The following FBXO48 variants were observed in gnomAD, a reference collection of about 807,000 sequenced individuals.
The protein encoded by FBXO48 is F-box only protein 48.
A neutral mutation model predicts 14.3 loss-of-function variants in FBXO48; 12 were observed. The ratio of observed to expected loss-of-function variants is 0.84; its 90% confidence interval spans 0.54 to 1.36. The LOEUF is 1.36. Ranked by LOEUF, FBXO48 falls within the 40% of genes most tolerant of loss-of-function variation. The probability of loss-of-function intolerance (pLI) is 0.00; values close to 1 mark genes in which losing one functional copy is unlikely to be tolerated. For synonymous variants in FBXO48, 53 were observed against 61.7 expected (o/e 0.86, Z 0.66); for missense variants, 177 against 179.1 (o/e 0.99, Z 0.07).
rs1227521900 is a variant in FBXO48, at chr2:68,459,532, C to T, written c.*4677G>A. On this transcript the variant is annotated 3_prime_UTR_variant, in exon 4 of 4. Transcript: ENST00000377957. ...GAGAAGACTGGAACAATTATTCATA[C>T]ATTTGTATTACTATCAAGCATCCCA... 2 of 152,140 alleles carry T rather than the reference C, an allele frequency of 1.3e-5. No individual in the cohort carries two copies. Among genetic ancestry groups the T allele is most frequent in the African/African-American group, 2.4e-5 (1 of 41,428 alleles). 9.4% of individuals were successfully genotyped at this position (152,140 alleles called of 1,614,324 possible).
Position 68,464,314 on chromosome 2 carries a change from G to A in FBXO48, c.363C>T (p.Gly121=), listed in dbSNP as rs1338582482. The A allele has an allele frequency of 1.9e-6, 3 of 1,613,630 alleles. No individual in the cohort carries two copies. The South Asian group carries it at 3.3e-5, about 18-fold the overall frequency. Residue 121 remains glycine (G), a synonymous_variant, in exon 4 of 4, where the codon GGC becomes GGT. Transcript: ENST00000377957. ...KSKVKHEWLS[G]RYSNICSPIS... ...TGGGAGAACAAATGTTGCTGTATCT[G>A]CCACTTAGCCATTCGTGTTTCACTT...
rs1219657949 is a variant in FBXO48 at position 68,461,136 on chromosome 2, T to G, written c.*3073A>C. 1.3e-5 allele frequency: 2 copies of G among 152,116 alleles called. No individual in the cohort carries two copies. Among genetic ancestry groups the G allele is most frequent in the Non-Finnish European group, 2.9e-5 (2 of 68,030 alleles). The allele number at this position is 152,116 out of a possible 1,614,324, so 9.4% of individuals were successfully genotyped here. A position where few individuals can be genotyped will look rare whatever the true frequency, so the allele number is the denominator to read the frequency against. ...AAACCACATCAGGTGGGGGTCCCAGTATGATGGTGAAACTCAATTTGAATT... is the reference window on the plus strand; with the variant it reads ...AAACCACATCAGGTGGGGGTCCCAGGATGATGGTGAAACTCAATTTGAATT... On this transcript the variant is annotated 3_prime_UTR_variant, in exon 4 of 4. Coordinates refer to ENST00000377957, the MANE Select transcript of FBXO48 (RefSeq NM_001024680.3).
At position 68,461,436 on chromosome 2, in the gene FBXO48, A is replaced by G. The variant is rs902025334; in HGVS notation, c.*2773T>C. 4 of 149,940 alleles carry G rather than the reference A, an allele frequency of 2.7e-5. No individual in the cohort carries two copies. In the South Asian group the frequency reaches 8.4e-4, roughly 32 times the overall value. The allele number at this position is 149,940 out of a possible 1,614,324, so 9.3% of individuals were successfully genotyped here. A position where few individuals can be genotyped will look rare whatever the true frequency, so the allele number is the denominator to read the frequency against. ...CTCAGCCTCCCGAGTAGCTGGGACT[A>G]CAGGCGCCCGCCACCGCGCCCGGCT... On this transcript the variant is annotated 3_prime_UTR_variant, in exon 4 of 4. Transcript: ENST00000377957.
Position 68,459,728 on chromosome 2 carries a change from T to TA in FBXO48, c.*4480dup, listed in dbSNP as rs1430517575. The stretch of plus-strand genomic sequence containing the variant: ...CAGGTTTTGAAGACACAAAAATAAA[T>TA]AAAAAATGGTCCCTGCCATTAAGAA... On this transcript the variant is annotated 3_prime_UTR_variant, in exon 4 of 4. Coordinates refer to ENST00000377957, the MANE Select transcript of FBXO48 (RefSeq NM_001024680.3). The TA allele has an allele frequency of 6.6e-6, 1 of 151,958 alleles. No homozygotes were observed. Among genetic ancestry groups the TA allele is most frequent in the East Asian group, 1.9e-4 (1 of 5,196 alleles). 9.4% of individuals were successfully genotyped at this position (151,958 alleles called of 1,614,324 possible).
In FBXO48 at chr2:68,464,196, A is replaced by AC; in HGVS notation, c.*12_*13insG. 6.2e-7 allele frequency: 1 copy of AC among 1,609,788 alleles called. No homozygotes were observed. Among genetic ancestry groups the AC allele is most frequent in the Non-Finnish European group, 8.5e-7 (1 of 1,177,206 alleles). The stretch of plus-strand genomic sequence containing the variant: ...AACTTTCAAAGACCTGAGATTTGTG[A>AC]TTTTTTTTCCCCTTATCTTTCCAGT... On this transcript the variant is annotated 3_prime_UTR_variant, in exon 4 of 4. Transcript: ENST00000377957.
chr2:68,464,325 A>T lies in FBXO48; in HGVS notation c.352T>A (p.Trp118Arg). The T allele has an allele frequency of 6.2e-7, 1 of 1,613,810 alleles. No homozygotes were observed. The highest frequency in any genetic ancestry group is 1.1e-5 in the South Asian group (1 of 91,070). ...NYQKSKVKHE[W>R]LSGRYSNICS... Reference sequence around the variant, plus strand: ...ATGTTGCTGTATCTGCCACTTAGCCATTCGTGTTTCACTTTACTCTTCTGG... The same window carrying T: ...ATGTTGCTGTATCTGCCACTTAGCCTTTCGTGTTTCACTTTACTCTTCTGG... Residue 118 changes from tryptophan to arginine, a missense_variant, in exon 4 of 4, where the codon TGG (tryptophan) becomes AGG (arginine). Coordinates refer to ENST00000377957, the MANE Select transcript of FBXO48 (RefSeq NM_001024680.3).
chr2:68,464,246 G>A lies in FBXO48; in HGVS notation c.431C>T (p.Thr144Ile). 6.2e-7 allele frequency: 1 copy of A among 1,613,506 alleles called. No individual in the cohort carries two copies. Among genetic ancestry groups the A allele is most frequent in the Non-Finnish European group, 8.5e-7 (1 of 1,179,800 alleles). Residue 144 changes from threonine (T) to isoleucine (I), a missense_variant, in exon 4 of 4, where the codon ACA (threonine) becomes ATA (isoleucine). Coordinates refer to ENST00000377957, the MANE Select transcript of FBXO48 (RefSeq NM_001024680.3). The part of the protein sequence containing the change: ...EKIMYPMDAD[T>I]WGEILEAELE... ...TTCTGCTTCTAGAATTTCCCCCCAT[G>A]TATCTGCATCCATTGGGTACATGAT... is the stretch of plus-strand genomic sequence containing the variant.
Position 68,461,089 on chromosome 2 carries a change from C to T in FBXO48, c.*3120G>A, listed in dbSNP as rs1277010231. ...ATGTTAATGTAAGCCACAAATAATA[C>T]ATATTTGAAAAATGGGCAACGAAAC... On this transcript the variant is annotated 3_prime_UTR_variant, in exon 4 of 4. Transcript: ENST00000377957. The T allele has an allele frequency of 1.3e-5, 2 of 152,046 alleles. No homozygotes were observed. The highest frequency in any genetic ancestry group is 2.4e-5 in the African/African-American group (1 of 41,392). 9.4% of individuals were successfully genotyped at this position (152,046 alleles called of 1,614,324 possible).
intron 3 of FBXO48, 66 bp from the exon 4 acceptor site, chr2:68,464,436 G>A (rs1248271055): frequency 9.9e-6 from 14 of 1,414,794 alleles, no homozygotes; most frequent in Admixed American, 1.8e-5. Flanking sequence ...TGTGTTTAAA[G>A]CAAGAGAAGC....
intron 3 of FBXO48, 144 bp from the exon 4 acceptor site, chr2:68,464,514 T>G: frequency 2.9e-6 from 2 of 682,960 alleles, no homozygotes; most frequent in Non-Finnish European, 5.0e-6. Context: ...TGTATGTGTC[T>G]GTGTACGTGT....
At position 68,462,194 on chromosome 2, in the gene FBXO48, A is replaced by G. The variant is rs1675281044; in HGVS notation, c.*2015T>C. On this transcript the variant is annotated 3_prime_UTR_variant, in exon 4 of 4. Coordinates refer to ENST00000377957, the MANE Select transcript of FBXO48 (RefSeq NM_001024680.3). ...ATTGTAAGGGGGCTGGACAAAAATA[A>G]TAAACATCCATTACAAAAAAACAGC... 2 of 152,184 alleles carry G rather than the reference A, an allele frequency of 1.3e-5. No individual in the cohort carries two copies. Among genetic ancestry groups the G allele is most frequent in the Admixed American group, 1.3e-4 (2 of 15,264 alleles). 9.4% of individuals were successfully genotyped at this position (152,184 alleles called of 1,614,324 possible).
chr2:68,465,004 T>A lies in FBXO48; in HGVS notation c.142A>T (p.Ser48Cys). The change falls in exon 3 of 4, where the codon AGT (serine) becomes TGT (cysteine). Residue 48 changes from serine to cysteine, a missense_variant. Coordinates refer to ENST00000377957, the MANE Select transcript of FBXO48 (RefSeq NM_001024680.3). Reference sequence around the variant, plus strand: ...CACAGACTCCGAATGTCCAGCTGACTGAAAATTTTAAAAGTGATTTCTGCA... The same window carrying A: ...CACAGACTCCGAATGTCCAGCTGACAGAAAATTTTAAAAGTGATTTCTGCA... ...LPAEITFKIF[S>C]QLDIRSLCRA... 6.2e-7 allele frequency: 1 copy of A among 1,614,000 alleles called. No individual in the cohort carries two copies.
chr2:68,466,289 T>C lies in FBXO48; in HGVS notation c.-179A>G, dbSNP rs1276029591. On this transcript the variant is annotated 5_prime_UTR_variant, in exon 2 of 4. Transcript: ENST00000377957. Reference sequence around the variant, plus strand: ...TTTGCACTTCCTTTTATAACGGGGGTTGGTTGTGCAAGAGGAGAGGTTTGA... The same window carrying C: ...TTTGCACTTCCTTTTATAACGGGGGCTGGTTGTGCAAGAGGAGAGGTTTGA... The C allele has an allele frequency of 6.6e-6, 1 of 152,050 alleles. No homozygotes were observed. The highest frequency in any genetic ancestry group is 2.4e-5 in the African/African-American group (1 of 41,384). 9.4% of individuals were successfully genotyped at this position (152,050 alleles called of 1,614,324 possible).
rs1259821838 is a variant in FBXO48, at chr2:68,461,383, G to A, written c.*2826C>T. ...GCAATCTCGGCTCACTGCAAGCTCC[G>A]CCTCCCGGGTTCACGCCATTCTCCT... On this transcript the variant is annotated 3_prime_UTR_variant, in exon 4 of 4. Transcript: ENST00000377957. 1 of 140,132 alleles carries A rather than the reference G, an allele frequency of 7.1e-6. No individual in the cohort carries two copies. The highest frequency in any genetic ancestry group is 2.8e-5 in the African/African-American group (1 of 35,396). 8.7% of individuals were successfully genotyped at this position (140,132 alleles called of 1,614,324 possible). A position where few individuals can be genotyped will look rare whatever the true frequency, so the allele number is the denominator to read the frequency against.
rs184916341 is a variant in FBXO48 at position 68,462,101 on chromosome 2, T to A, written c.*2108A>T. On this transcript the variant is annotated 3_prime_UTR_variant, in exon 4 of 4. Transcript: ENST00000377957. ...ACCCCGGCCAAAAAAAACCACACAC[T>A]TGGTTGGAAGTGAGAAGGGTGAGTC... 6 of 148,142 alleles carry A rather than the reference T, an allele frequency of 4.1e-5. No homozygotes were observed. The highest frequency in any genetic ancestry group is 1.5e-4 in the African/African-American group (6 of 39,698). The allele number at this position is 148,142 out of a possible 1,614,324, so 9.2% of individuals were successfully genotyped here.
rs201794428 is a variant in FBXO48 at position 68,462,365 on chromosome 2, CT to C, written c.*1843del. 5.3e-5 allele frequency: 8 copies of C among 150,912 alleles called. No homozygotes were observed. The highest frequency in any genetic ancestry group is 1.9e-4 in the East Asian group (1 of 5,156). The allele number at this position is 150,912 out of a possible 1,614,324, so 9.3% of individuals were successfully genotyped here. A position where few individuals can be genotyped will look rare whatever the true frequency, so the allele number is the denominator to read the frequency against. On this transcript the variant is annotated 3_prime_UTR_variant, in exon 4 of 4. Transcript: ENST00000377957. ...ATTAGTAGGATACCTTTCTTTCTTCCTTTTTTTTTGAGACGAAGTTTCACTC... is the reference window on the plus strand; with the variant it reads ...ATTAGTAGGATACCTTTCTTTCTTCCTTTTTTTTGAGACGAAGTTTCACTC...
intron 2 of FBXO48, 30 bp from the exon 3 acceptor site, chr2:68,465,208 C>A: frequency 8.9e-7 from 1 of 1,123,384 alleles, no homozygotes; most frequent in East Asian, 2.4e-5. Flanking sequence ...CATGCTCAGT[C>A]TCCAAATAGG....
intron 1 of FBXO48, among the ~76,000 whole-genome samples, 177 bp downstream of exon 1, chr2:68,467,034 C>T (rs904799116): frequency 4.6e-5 from 7 of 152,280 alleles, no homozygotes; most frequent in Admixed American, 3.9e-4. Flanking sequence ...TTGTGTCCCG[C>T]GCGGGTTGCA....
At position 68,459,846 on chromosome 2, in the gene FBXO48, A is replaced by G. The variant is rs1010274123; in HGVS notation, c.*4363T>C. The G allele has an allele frequency of 6.6e-6, 1 of 152,194 alleles. No homozygotes were observed. The highest frequency in any genetic ancestry group is 2.4e-5 in the African/African-American group (1 of 41,450). The allele number at this position is 152,194 out of a possible 1,614,324, so 9.4% of individuals were successfully genotyped here. On this transcript the variant is annotated 3_prime_UTR_variant, in exon 4 of 4. Coordinates refer to ENST00000377957, the MANE Select transcript of FBXO48 (RefSeq NM_001024680.3). The stretch of plus-strand genomic sequence containing the variant: ...AGAGGTCTATACAAAGAACTACAAG[A>G]ACATCTAAAAAGTCACTTAATCCAG...
Sources: gnomAD v4.1 joint callset for allele counts (sites outside exome capture counted in the v4.1 genomes callset) on GRCh38, gnomAD v4.1.1 for gene constraint, MANE v1.5 for transcripts, NCBI Gene and HGNC (gene_info 2026-07-23, HGNC 2026-07-21) for gene names.